MYCBP2: variants seen among roughly 807,000 people sequenced by gnomAD.
MYCBP2 encodes the protein E3 ubiquitin-protein ligase MYCBP2.
Under a neutral mutation model 525.3 loss-of-function variants are expected in MYCBP2, and 120 were observed. The ratio of observed to expected loss-of-function variants is 0.23; its 90% CI spans 0.20 to 0.27. MYCBP2 has a LOEUF of 0.27. MYCBP2 is among the 10% of genes least tolerant of loss of function. MYCBP2 has a pLI of 1.00. For missense variants in MYCBP2, 4,149 were observed against 5,657.1 expected, an observed-to-expected ratio of 0.73 and a Z score of 8.55; for synonymous variants, 1,894 against 1,955.8, an observed-to-expected ratio of 0.97 and a Z score of 0.83.
chr13:77,093,927 G>A (rs1294048103), intron 58 of MYCBP2, among the ~76,000 whole-genome samples: 1 of 152,164 alleles, frequency 6.6e-6, no homozygotes, highest in Non-Finnish European at 1.5e-5. Flanking sequence ...TAATTATGCT[G>A]TGTTAGCATT....
intron 3 of MYCBP2, among the ~76,000 whole-genome samples, chr13:77,286,970 C>T (rs568683213): frequency 2.0e-5 from 3 of 148,246 alleles, no homozygotes; most frequent in African/African-American, 7.5e-5. Flanking sequence ...CTGCAAGCTC[C>T]GCCTCCCGGG....
intron 1 of MYCBP2, among the ~76,000 whole-genome samples, chr13:77,319,109 C>T (rs770705835): frequency 8.6e-5 from 13 of 151,070 alleles, no homozygotes; most frequent in African/African-American, 1.2e-4. Context: ...AGTTTGGGAA[C>T]GTGTGTGTGT....
chr13:77,181,105 G>T (rs1156260157), intron 33 of MYCBP2, among the ~76,000 whole-genome samples: 1 of 151,984 alleles, frequency 6.6e-6, no homozygotes, highest in Non-Finnish European at 1.5e-5. Flanking sequence ...CCTAAGTGGA[G>T]ATAAGAAAAT....
At chr13:77,082,948 GC>G (rs1237647477) in intron 63 of MYCBP2, 83 bp downstream of exon 63, 1 of 1,345,780 alleles carries the variant, frequency 7.4e-7, no homozygotes, top group East Asian at 2.4e-5. Context: ...TATTTAAAGA[GC>G]TTTTTTTGGA....
At chr13:77,201,266 T>G (rs1446566294) in intron 26 of MYCBP2, among the ~76,000 whole-genome samples, 5 of 148,972 alleles carry the variant, frequency 3.4e-5, no homozygotes, top group East Asian at 2.0e-4. Context: ...AAACAGACTT[T>G]AAACCAACAA....
intron 26 of MYCBP2, 89 bp downstream of exon 26, chr13:77,205,167 A>G (rs2063181797): frequency 8.2e-7 from 1 of 1,221,096 alleles, no homozygotes; most frequent in African/African-American, 1.6e-5. Flanking sequence ...TAAAAAGGAA[A>G]AAAATTAGAC....
chr13:77,054,707 TC>T (rs2037535722), intron 80 of MYCBP2, among the ~76,000 whole-genome samples: 1 of 151,872 alleles, frequency 6.6e-6, no homozygotes, highest in Non-Finnish European at 1.5e-5. Context: ...CTCAAGCGAT[TC>T]CCCTGCCTCA....
intron 47 of MYCBP2, among the ~76,000 whole-genome samples, chr13:77,149,815 T>G (rs1389947891): frequency 2.0e-5 from 3 of 152,212 alleles, no homozygotes; most frequent in African/African-American, 7.2e-5. Context: ...CTGATTCTAT[T>G]GAATCTATCC....
At position 77,089,101 on chromosome 13, in the gene MYCBP2, T is replaced by C. The variant is rs2044883951; in HGVS notation, c.10526-70A>G. On this transcript the variant is annotated intron_variant, in intron 60 of 82. Transcript: ENST00000544440. Reference sequence around the variant, plus strand: ...ATATATTTAAGATAATAATATCTAATATATTCACTTAAAGCCTTTGTCATT... The same window carrying C: ...ATATATTTAAGATAATAATATCTAACATATTCACTTAAAGCCTTTGTCATT... 5 of 1,108,568 alleles carry C rather than the reference T, an allele frequency of 4.5e-6. No individual in the cohort carries two copies. The East Asian group carries it at 1.3e-4, about 29-fold the overall frequency. The allele number at this position is 1,108,568 out of a possible 1,614,324, so 68.7% of individuals were successfully genotyped here. A position where few individuals can be genotyped will look rare whatever the true frequency, so the allele number is the denominator to read the frequency against.
At chr13:77,261,469 G>A (rs1207606971) in intron 11 of MYCBP2, 94 bp from the exon 12 acceptor site, 5 of 924,836 alleles carry the variant, frequency 5.4e-6, no homozygotes. Context: ...ATATTTTATT[G>A]AAAAATAAAA....
intron 21 of MYCBP2, among the ~76,000 whole-genome samples, chr13:77,213,934 A>G (rs1028578480): frequency 6.6e-6 from 1 of 152,266 alleles, no homozygotes; most frequent in Non-Finnish European, 1.5e-5. Flanking sequence ...CGGCTACTGC[A>G]AACCTGAGCA....
rs1566932038 is a variant in MYCBP2, at chr13:77,209,103, G to A, written c.3416+2064C>T. On this transcript the variant is annotated intron_variant, in intron 23 of 82. Transcript: ENST00000544440. ...CTGATTTAAAGAAAAATACCTCTCA[G>A]CTGTTTTACCAAAACATCTCTTAAT... 2.0e-5 allele frequency among the ~76,000 whole-genome samples: 3 copies of A among 152,152 alleles called. No individual in the cohort carries two copies. In the South Asian group the frequency reaches 6.2e-4, roughly 31 times the overall value.
chr13:77,148,530 C>G (rs563660531), intron 47 of MYCBP2, among the ~76,000 whole-genome samples: 134 of 152,130 alleles, frequency 8.8e-4, no homozygotes, highest in African/African-American at 3.1e-3. Flanking sequence ...TTCTTCCCTT[C>G]CAAACTAAAT....
At chr13:77,303,944 C>A (rs896139934) in intron 1 of MYCBP2, among the ~76,000 whole-genome samples, 7 of 152,056 alleles carry the variant, frequency 4.6e-5, no homozygotes, top group African/African-American at 1.7e-4. Context: ...AAAATTGGTT[C>A]TCTGAAAAGA....
intron 30 of MYCBP2, among the ~76,000 whole-genome samples, chr13:77,187,898 C>T (rs888929061): frequency 2.0e-5 from 3 of 151,754 alleles, no homozygotes; most frequent in Admixed American, 6.6e-5. Flanking sequence ...TGGTGAAACC[C>T]CCTCTCTACT....
At chr13:77,175,731 G>C (rs892811421) in intron 36 of MYCBP2, among the ~76,000 whole-genome samples, 1 of 152,048 alleles carries the variant, frequency 6.6e-6, no homozygotes, top group Non-Finnish European at 1.5e-5. Flanking sequence ...GAGGCCAAGC[G>C]GAGTGGATCA....
chr13:77,140,080 C>T lies in MYCBP2; in HGVS notation c.7485G>A (p.Val2495=). The T allele has an allele frequency of 6.2e-7, 1 of 1,612,800 alleles. No individual in the cohort carries two copies. Among genetic ancestry groups the T allele is most frequent in the Non-Finnish European group, 8.5e-7 (1 of 1,179,602 alleles). The stretch of plus-strand genomic sequence containing the variant: ...TAAAAGTGATAGTTCCATTGACTTT[C>T]ACTATGCCTATCTGCTCACTCTGAA... The part of the protein sequence containing the change: ...PSLQSEQIGI[V]KVNGTITFID... Residue 2495 remains valine, a synonymous_variant, in exon 51 of 83, where the codon GTG becomes GTA. Coordinates refer to ENST00000544440, the MANE Select transcript of MYCBP2 (RefSeq NM_015057.5).
At position 77,191,661 on chromosome 13, in the gene MYCBP2, A is replaced by G. The variant is rs370803139; in HGVS notation, c.4070+18T>C. The G allele has an allele frequency of 6.2e-7, 1 of 1,609,986 alleles. No individual in the cohort carries two copies. The highest frequency in any genetic ancestry group is 1.7e-5 in the Admixed American group (1 of 59,150). ...CAAAAATAAGTATTGCTTAAGTAAC[A>G]CTTGGGCATTTACTTACCCATCATC... On this transcript the variant is annotated intron_variant, in intron 28 of 82. Transcript: ENST00000544440.
intron 67 of MYCBP2, 25 bp downstream of exon 67, chr13:77,077,123 T>C (rs1368552134): frequency 6.2e-7 from 1 of 1,607,770 alleles, no homozygotes; most frequent in Admixed American, 1.7e-5. Flanking sequence ...TATCCTGTGC[T>C]AGAATATGTT....
Sources: allele counts gnomAD v4.1 joint callset (sites outside exome capture counted in the v4.1 genomes callset), GRCh38; gene constraint gnomAD v4.1.1; transcripts MANE v1.5; gene names NCBI Gene and HGNC (gene_info 2026-07-23, HGNC 2026-07-21).